FNDC1: variants seen among roughly 807,000 people sequenced by gnomAD.
The protein encoded by FNDC1 is fibronectin type III domain containing 1.
In FNDC1, 96 loss-of-function variants were observed where a neutral mutation model predicts 168.0. The observed-to-expected ratio is 0.57, with a 90% CI of 0.48 to 0.68. The LOEUF (loss-of-function observed/expected upper bound fraction) is 0.68. Among genes scored for constraint, FNDC1 ranks in the 30% least tolerant of loss-of-function variants. The pLI, the probability that FNDC1 is intolerant of heterozygous loss-of-function variation, is 0.00. For missense variants in FNDC1, 2,587 were observed against 2,482.1 expected (o/e 1.04, Z -0.90); for synonymous variants, 1,099 against 1,025.9 (o/e 1.07, Z -1.36).
Position 159,233,071 on chromosome 6 carries a change from G to T in FNDC1, c.2559G>T (p.Val853=). The part of the protein sequence containing the change: ...LQPSSSPQST[V]PSRAHPRVPS... ...CCTCCAGCTCCCCACAGTCGACTGT[G>T]CCCTCCCGAGCCCACCCCAGGGTTC... is the stretch of plus-strand genomic sequence containing the variant. Residue 853 remains valine, a synonymous_variant, in exon 11 of 23, where the codon GTG becomes GTT. Transcript: ENST00000297267. The surrounding 1 kb of genome is among the most constrained non-coding windows in gnomAD (Gnocchi z 4.6). 6.2e-7 allele frequency: 1 copy of T among 1,605,538 alleles called. No homozygotes were observed. The highest frequency in any genetic ancestry group is 8.5e-7 in the Non-Finnish European group (1 of 1,176,226).
Position 159,221,624 on chromosome 6 carries a change from C to G in FNDC1, c.694C>G (p.Leu232Val), listed in dbSNP as rs200289179. ...CTCGGAATCCGTGTATGTGGTCTCC[C>G]TGCAGTCCATGAACTCTCAGGGCCG... The part of the protein sequence containing the change: ...LASESVYVVS[L>V]QSMNSQGRSQ... The change falls in exon 6 of 23, where the codon CTG (leucine) becomes GTG (valine). Residue 232 changes from leucine (L) to valine (V), a missense_variant. By Grantham distance (32) the Leu-to-Val change is conservative (BLOSUM62 1). Transcript: ENST00000297267. 2.4e-5 allele frequency: 38 copies of G among 1,613,980 alleles called. 1 individual carries two copies. In the Admixed American group the frequency reaches 4.8e-4, roughly 21 times the overall value.
rs1241137716 is a variant in FNDC1 at position 159,268,990 on chromosome 6, TTATCCATC to T, written c.5569+1065_5569+1072del. 7.7e-3 allele frequency among the ~76,000 whole-genome samples: 828 copies of T among 107,178 alleles called. 8 individuals are homozygous for T. Among genetic ancestry groups the T allele is most frequent in the African/African-American group, 0.022 (676 of 30,240 alleles). 70.3% of individuals were successfully genotyped at this position (107,178 alleles called of 152,430 possible). On this transcript the variant is annotated intron_variant, in intron 22 of 22. Transcript: ENST00000297267. The stretch of plus-strand genomic sequence containing the variant: ...TCTATCCACCTATCCATGTATCTAT[TTATCCATC>T]CATCCATCCATCCATCCATCCATCC...
chr6:159,269,233 C>CCA lies in FNDC1; in HGVS notation c.5569+1307_5569+1308insCA, dbSNP rs1562315651. On this transcript the variant is annotated intron_variant, in intron 22 of 22. Coordinates refer to ENST00000297267, the MANE Select transcript of FNDC1 (RefSeq NM_032532.3). ...TCTATCTATCTATCTATCTATCTAT[C>CCA]TATCTATCTATCTATCCATCTATCA... 2.1e-3 allele frequency among the ~76,000 whole-genome samples: 299 copies of CCA among 139,494 alleles called. 6 individuals carry two copies. The highest frequency in any genetic ancestry group is 7.8e-3 in the East Asian group (35 of 4,506). 91.5% of individuals were successfully genotyped at this position (139,494 alleles called of 152,430 possible).
Position 159,232,406 on chromosome 6 carries a change from C to T in FNDC1, c.1894C>T (p.Arg632Cys), listed in dbSNP as rs747951612. The change falls in exon 11 of 23, where the codon CGT becomes TGT. Residue 632 changes from arginine (R) to cysteine (C), a missense_variant. Transcript: ENST00000297267. The surrounding 1 kb of genome is among the most constrained non-coding windows in gnomAD (Gnocchi z 4.9). ...HHASTQGTSH[R>C]PSLPASLNDN... ...CGCGTCCACCCAGGGCACCTCTCAT[C>T]GTCCTTCCCTGCCTGCCAGCTTGAA... The T allele has an allele frequency of 4.3e-6, 7 of 1,612,226 alleles. No individual in the cohort carries two copies. The highest frequency in any genetic ancestry group is 5.9e-6 in the Non-Finnish European group (7 of 1,178,788).
chr6:159,268,501 A>G (rs2115035076), intron 22 of FNDC1, among the ~76,000 whole-genome samples: 1 of 152,324 alleles, frequency 6.6e-6, no homozygotes, highest in Non-Finnish European at 1.5e-5. Flanking sequence ...AAAGAGTAAA[A>G]TAAGCATATT....
Position 159,197,366 on chromosome 6 carries a change from G to A in FNDC1, c.110-65G>A, listed in dbSNP as rs1024495938. 12 of 1,429,974 alleles carry A rather than the reference G, an allele frequency of 8.4e-6. No individual in the cohort carries two copies. The African/African-American group carries it at 1.6e-4, about 19-fold the overall frequency. The allele number at this position is 1,429,974 out of a possible 1,614,324, so 88.6% of individuals were successfully genotyped here. ...CTGTTTTCCTAACAATATCAAAGACGATTAAAAAAATTCGTTTTCCCAATC... is the reference window on the plus strand; with the variant it reads ...CTGTTTTCCTAACAATATCAAAGACAATTAAAAAAATTCGTTTTCCCAATC... On this transcript the variant is annotated intron_variant, in intron 1 of 22. Transcript: ENST00000297267.
At chr6:159,252,577 G>A (rs965397064) in intron 17 of FNDC1, among the ~76,000 whole-genome samples, 1 of 152,196 alleles carries the variant, frequency 6.6e-6, no homozygotes, top group Non-Finnish European at 1.5e-5. Context: ...TAAGGGGTTC[G>A]AGTCTTTAGT....
intron 8 of FNDC1, 127 bp downstream of exon 8, chr6:159,225,849 C>T (rs1372174861): frequency 1.2e-6 from 1 of 832,714 alleles, no homozygotes; most frequent in East Asian, 2.7e-5. Context: ...CATGTTAATC[C>T]TAAATTTTGG....
chr6:159,197,288 A>G (rs1782264872), intron 1 of FNDC1, 143 bp from the exon 2 acceptor site: 2 of 763,350 alleles, frequency 2.6e-6, no homozygotes, highest in Non-Finnish European at 4.2e-6. Flanking sequence ...ATGCTGTGCA[A>G]ATACATGACT....
chr6:159,200,653 G>T, intron 4 of FNDC1, 72 bp downstream of exon 4: 7 of 1,224,408 alleles, frequency 5.7e-6, no homozygotes, highest in Non-Finnish European at 8.2e-6. Flanking sequence ...TTGTGCTTCC[G>T]TCACACACAT....
chr6:159,265,316 G>A (rs1167235411), intron 20 of FNDC1, among the ~76,000 whole-genome samples: 1 of 152,138 alleles, frequency 6.6e-6, no homozygotes, highest in Non-Finnish European at 1.5e-5. Flanking sequence ...GTAGCAAAGT[G>A]CAACAAGTAA....
At chr6:159,227,485 T>G (rs973521840) in intron 9 of FNDC1, among the ~76,000 whole-genome samples, 1 of 152,222 alleles carries the variant, frequency 6.6e-6, no homozygotes, top group Non-Finnish European at 1.5e-5. Flanking sequence ...AACTGAATGG[T>G]TCTCTTTTAT....
chr6:159,265,753 C>A (rs1400626685), intron 20 of FNDC1, among the ~76,000 whole-genome samples: 1 of 152,064 alleles, frequency 6.6e-6, no homozygotes, highest in Non-Finnish European at 1.5e-5. Context: ...TGTGGTGAAA[C>A]CCCGTCTCTA....
intron 4 of FNDC1, among the ~76,000 whole-genome samples, chr6:159,211,572 T>A (rs1413704493): frequency 6.6e-6 from 1 of 152,230 alleles, no homozygotes; most frequent in African/African-American, 2.4e-5. Flanking sequence ...GAAACATTTT[T>A]TTTTTTAGTG....
chr6:159,231,823 C>T (rs1376059415), intron 10 of FNDC1, 59 bp from the exon 11 acceptor site: 21 of 1,434,990 alleles, frequency 1.5e-5, no homozygotes, highest in South Asian at 4.3e-5. Flanking sequence ...CTGTGTCTCA[C>T]CTCCGCTTTC....
chr6:159,265,939 CA>C (rs1395257444), intron 20 of FNDC1, 144 bp from the exon 21 acceptor site: 68 of 887,848 alleles, frequency 7.7e-5, no homozygotes, highest in Middle Eastern at 3.6e-4. Context: ...AACAAACAAA[CA>C]AACAACAACA....
At chr6:159,223,472 C>A in intron 6 of FNDC1, 56 bp from the exon 7 acceptor site, 2 of 1,129,242 alleles carry the variant, frequency 1.8e-6, no homozygotes, top group Non-Finnish European at 2.6e-6. Flanking sequence ...CTGAGGAGCT[C>A]AGGGCAGAAC....
intron 11 of FNDC1, 68 bp from the exon 12 acceptor site, chr6:159,236,147 A>G (rs138866252): frequency 1.8e-6 from 2 of 1,115,566 alleles, no homozygotes; most frequent in East Asian, 2.4e-5. Flanking sequence ...ATAGTTTGGT[A>G]TGAAGCCAAC....
In FNDC1 at chr6:159,239,601, A is replaced by G; in HGVS notation, c.4265A>G (p.Gln1422Arg). Residue 1422 changes from glutamine (Q) to arginine (R), a missense_variant, in exon 14 of 23, where the codon CAA (glutamine) becomes CGA (arginine). Physicochemically the swap from Gln to Arg is conservative, Grantham distance 43. Coordinates refer to ENST00000297267, the MANE Select transcript of FNDC1 (RefSeq NM_032532.3). ...GRHGTPLANA[Q>R]DKPILSLGGK... ...CATGGCACACCTCTGGCCAATGCCCAAGATAAGCCAATTTTGAGTCTTGGA... is the reference window on the plus strand; with the variant it reads ...CATGGCACACCTCTGGCCAATGCCCGAGATAAGCCAATTTTGAGTCTTGGA... 2.5e-6 allele frequency: 4 copies of G among 1,583,440 alleles called. No homozygotes were observed. In the South Asian group the frequency reaches 3.5e-5, roughly 14 times the overall value.
Sources: gnomAD v4.1 joint callset for allele counts (sites outside exome capture counted in the v4.1 genomes callset) on GRCh38, gnomAD v4.1.1 for gene constraint, Gnocchi (gnomAD v3.1) non-coding constraint, MANE v1.5 for transcripts, NCBI Gene and HGNC (gene_info 2026-07-23, HGNC 2026-07-21) for gene names.